AGO3: variants seen among roughly 807,000 people sequenced by gnomAD.
AGO3 encodes the protein protein argonaute-3.
In AGO3, 16 loss-of-function variants were observed where a neutral mutation model predicts 105.5. That is an observed-to-expected ratio of 0.15 (90% confidence interval 0.10 to 0.23). The LOEUF (loss-of-function observed/expected upper bound fraction) is 0.23. AGO3 is among the 10% of genes least tolerant of loss of function. The pLI is 1.00. For synonymous variants in AGO3, 340 were observed against 367.3 expected, an observed-to-expected ratio of 0.93 and a Z score of 0.85; for missense variants, 534 against 1,088.0, an observed-to-expected ratio of 0.49 and a Z score of 7.16.
intron 5 of AGO3, among the ~76,000 whole-genome samples, chr1:35,979,280 C>G (rs185758025): frequency 2.0e-5 from 3 of 151,900 alleles, no homozygotes; most frequent in Admixed American, 1.3e-4. Context: ...AGGAGAATGG[C>G]GTGAACCCAG....
chr1:35,965,965 A>G (rs996106616), intron 2 of AGO3, among the ~76,000 whole-genome samples: 4 of 151,698 alleles, frequency 2.6e-5, no homozygotes, highest in African/African-American at 7.3e-5. Flanking sequence ...AGCTGAGACT[A>G]CAGGCATGCG....
At chr1:35,973,805 C>T (rs1289026911) in intron 5 of AGO3, among the ~76,000 whole-genome samples, 1 of 152,124 alleles carries the variant, frequency 6.6e-6, no homozygotes, top group Non-Finnish European at 1.5e-5. Flanking sequence ...AACTCTAAGC[C>T]AACATTTTAT....
intron 14 of AGO3, among the ~76,000 whole-genome samples, chr1:36,039,441 C>T (rs917254028): frequency 2.0e-5 from 3 of 147,444 alleles, no homozygotes; most frequent in Admixed American, 1.4e-4. Context: ...TTGCAGTGAG[C>T]CGAGATTGTG....
intron 1 of AGO3, among the ~76,000 whole-genome samples, chr1:35,936,031 T>G (rs1023287792): frequency 7.2e-5 from 11 of 152,168 alleles, no homozygotes; most frequent in Non-Finnish European, 1.6e-4. Flanking sequence ...TGAACAGCAT[T>G]TACCAGACAT....
Position 35,946,253 on chromosome 1 carries a change from CA to C in AGO3, c.191+391del, listed in dbSNP as rs770169381. On this transcript the variant is annotated intron_variant, in intron 2 of 18. Coordinates refer to ENST00000373191, the MANE Select transcript of AGO3 (RefSeq NM_024852.4). ...TTTAAGATGACGGTGGTGATGATAG[CA>C]GTTGGGGGTAGAAATACTGGTTTCA... 2.6e-5 allele frequency among the ~76,000 whole-genome samples: 4 copies of C among 152,270 alleles called. No homozygotes were observed. In the East Asian group the frequency reaches 7.7e-4, roughly 29 times the overall value.
At position 35,941,056 on chromosome 1, in the gene AGO3, T is replaced by G. The variant is rs1646244533; in HGVS notation, c.20-4636T>G. On this transcript the variant is annotated intron_variant, in intron 1 of 18. Transcript: ENST00000373191. Reference sequence around the variant, plus strand: ...TAACTGCTTACTATTCATCTACTTGTAGACACCTCAAATTTAGCATATCCT... The same window carrying G: ...TAACTGCTTACTATTCATCTACTTGGAGACACCTCAAATTTAGCATATCCT... Among the ~76,000 whole-genome samples, 4 of 152,184 alleles carry G rather than the reference T, an allele frequency of 2.6e-5. No individual in the cohort carries two copies. The South Asian group carries it at 6.2e-4, about 24-fold the overall frequency.
chr1:35,962,189 C>A (rs1646688288), intron 2 of AGO3, among the ~76,000 whole-genome samples: 1 of 151,986 alleles, frequency 6.6e-6, no homozygotes, highest in African/African-American at 2.4e-5. Flanking sequence ...TTCCAGTGTT[C>A]AAGTATACTT....
At chr1:36,036,371 T>C in intron 14 of AGO3, 104 bp downstream of exon 14, 1 of 1,112,094 alleles carries the variant, frequency 9.0e-7, no homozygotes, top group African/African-American at 1.6e-5. Flanking sequence ...CCAACTTTCA[T>C]AAATGTTCTT....
At chr1:36,026,440 A>T (rs905918418) in intron 11 of AGO3, among the ~76,000 whole-genome samples, 8 of 152,104 alleles carry the variant, frequency 5.3e-5, no homozygotes, top group Admixed American at 3.3e-4. Flanking sequence ...TTTATATTTT[A>T]AAAAAATCCT....
chr1:36,019,951 A>G (rs1212757700), intron 11 of AGO3, among the ~76,000 whole-genome samples: 7 of 151,974 alleles, frequency 4.6e-5, no homozygotes, highest in Non-Finnish European at 1.0e-4. Context: ...TGTATTTTTT[A>G]AGTAGAGACA....
chr1:35,982,587 G>A (rs1054978411), intron 5 of AGO3: 19 of 715,134 alleles, frequency 2.7e-5, no homozygotes, highest in Middle Eastern at 2.3e-4. Flanking sequence ...AGGTTTTTAA[G>A]AAGGATAGTG....
chr1:36,027,069 T>C lies in AGO3; in HGVS notation c.1407-45T>C. The C allele has an allele frequency of 6.4e-7, 1 of 1,556,310 alleles. No individual in the cohort carries two copies. Among genetic ancestry groups the C allele is most frequent in the Non-Finnish European group, 8.7e-7 (1 of 1,149,336 alleles). On this transcript the variant is annotated intron_variant, in intron 11 of 18. Transcript: ENST00000373191. This position sits in a 1 kb window ranked among gnomAD's most constrained non-coding sequence, Gnocchi z 4.0. ...CTTCCCATTACTACTTTGTAGGAAT[T>C]CATGACTAGACAAAGGTTTTATATT...
chr1:36,008,954 C>T lies in AGO3; in HGVS notation c.939C>T (p.Phe313=), dbSNP rs1557681779. 2.5e-6 allele frequency: 4 copies of T among 1,613,668 alleles called. No homozygotes were observed. In the East Asian group the frequency reaches 6.7e-5, roughly 27 times the overall value. ...TGGAGAGAACAGTAGCGCAGTATTT[C>T]AGAGAAAAGTATACTCTTCAGCTGA... ...QTVERTVAQY[F]REKYTLQLKY... The change falls in exon 8 of 19, where the codon TTC becomes TTT. Residue 313 remains phenylalanine, a synonymous_variant. Transcript: ENST00000373191. This position sits in a 1 kb window ranked among gnomAD's most constrained non-coding sequence, Gnocchi z 5.1.
At chr1:36,051,033 T>C (rs930527761) in intron 17 of AGO3, among the ~76,000 whole-genome samples, 5 of 152,084 alleles carry the variant, frequency 3.3e-5, no homozygotes, top group African/African-American at 4.8e-5. Flanking sequence ...TTCACTATGT[T>C]ACCCAGGCTG....
chr1:35,956,313 T>C lies in AGO3; in HGVS notation c.191+10450T>C, dbSNP rs1234564459. On this transcript the variant is annotated intron_variant, in intron 2 of 18. Transcript: ENST00000373191. ...AAATATAGATTCTGAAGGGACCAGGTTTTTGTATACTATTTTGAATATTTG... is the reference window on the plus strand; with the variant it reads ...AAATATAGATTCTGAAGGGACCAGGCTTTTGTATACTATTTTGAATATTTG... 2.6e-5 allele frequency among the ~76,000 whole-genome samples: 4 copies of C among 152,226 alleles called. No homozygotes were observed. In the East Asian group the frequency reaches 7.7e-4, roughly 29 times the overall value.
chr1:35,999,314 G>T (rs1030849888), intron 5 of AGO3, among the ~76,000 whole-genome samples: 1 of 152,138 alleles, frequency 6.6e-6, no homozygotes, highest in African/African-American at 2.4e-5. Flanking sequence ...CACTCCAGCA[G>T]CCTGGCCAAC....
intron 5 of AGO3, among the ~76,000 whole-genome samples, chr1:35,990,387 A>C (rs890792466): frequency 2.6e-5 from 4 of 152,188 alleles, no homozygotes; most frequent in Admixed American, 6.5e-5. Context: ...AGGCACCTGT[A>C]GTCCCAGCTA....
rs1450366265 is a variant in AGO3, at chr1:36,008,823, C to T, written c.881+46C>T. 1 of 1,613,944 alleles carries T rather than the reference C, an allele frequency of 6.2e-7. No individual in the cohort carries two copies. Among genetic ancestry groups the T allele is most frequent in the Admixed American group, 1.7e-5 (1 of 60,000 alleles). On this transcript the variant is annotated intron_variant, in intron 7 of 18. Coordinates refer to ENST00000373191, the MANE Select transcript of AGO3 (RefSeq NM_024852.4). The surrounding 1 kb of genome is among the most constrained non-coding windows in gnomAD (Gnocchi z 5.1). ...CAGCGATGGTGTGAGGCAGCTTGCT[C>T]TAGTTAGTGGGGTTGGGAGTTTTTC...
At chr1:35,933,045 A>G (rs1158524201) in intron 1 of AGO3, among the ~76,000 whole-genome samples, 4 of 152,250 alleles carry the variant, frequency 2.6e-5, no homozygotes, top group African/African-American at 4.8e-5. Flanking sequence ...AGTACAGCTC[A>G]GAAAATACAT....
Sources: allele counts gnomAD v4.1 joint callset (sites outside exome capture counted in the v4.1 genomes callset), GRCh38; gene constraint gnomAD v4.1.1; non-coding constraint Gnocchi (gnomAD v3.1); transcripts MANE v1.5; gene names NCBI Gene and HGNC (gene_info 2026-07-23, HGNC 2026-07-21).